Variants in AFG1L observed in about 807,000 individuals in gnomAD.
AFG1L encodes the protein AFG1 like ATPase.
In AFG1L, 53 loss-of-function variants were observed where a neutral mutation model predicts 62.2. The observed-to-expected ratio is 0.85, with a 90% confidence interval of 0.68 to 1.07. The LOEUF is 1.07. Among genes scored for constraint, AFG1L ranks in the 50% least tolerant of loss-of-function variants. The pLI is 0.00. For missense variants in AFG1L, 555 were observed against 590.5 expected (o/e 0.94, Z 0.62); for synonymous variants, 228 against 210.3 (o/e 1.08, Z -0.73).
intron 7 of AFG1L, among the ~76,000 whole-genome samples, chr6:108,412,694 C>A (rs962208699): frequency 6.6e-6 from 1 of 152,098 alleles, no homozygotes; most frequent in African/African-American, 2.4e-5. Flanking sequence ...GAAATAAAAT[C>A]CTTTACAGAC....
chr6:108,361,868 T>A (rs1040917657), intron 5 of AFG1L, among the ~76,000 whole-genome samples: 1 of 152,194 alleles, frequency 6.6e-6, no homozygotes, highest in Non-Finnish European at 1.5e-5. Flanking sequence ...ATATCATATA[T>A]CACCTTTTAA....
intron 10 of AFG1L, among the ~76,000 whole-genome samples, chr6:108,480,795 A>G (rs1021442017): frequency 6.6e-6 from 1 of 151,990 alleles, no homozygotes; most frequent in East Asian, 1.9e-4. Flanking sequence ...CTGTCTCAAT[A>G]AATAAATAAA....
intron 1 of AFG1L, among the ~76,000 whole-genome samples, chr6:108,321,802 CAGTT>C (rs1262474034): frequency 6.6e-6 from 1 of 152,166 alleles, no homozygotes; most frequent in Non-Finnish European, 1.5e-5. Flanking sequence ...GCAACTATAT[CAGTT>C]AGGGTACAAC....
chr6:108,466,625 C>T (rs755701886), intron 8 of AFG1L, among the ~76,000 whole-genome samples: 10 of 151,730 alleles, frequency 6.6e-5, no homozygotes, highest in African/African-American at 2.2e-4. Flanking sequence ...ATAGTGAAGG[C>T]GGCCGTCTGC....
intron 5 of AFG1L, among the ~76,000 whole-genome samples, chr6:108,365,281 T>C (rs757121987): frequency 6.6e-6 from 1 of 152,168 alleles, no homozygotes; most frequent in Non-Finnish European, 1.5e-5. Context: ...TTTCCCTTCT[T>C]AATTGTTGTC....
At chr6:108,391,223 T>C (rs1407658057) in intron 6 of AFG1L, among the ~76,000 whole-genome samples, 1 of 152,172 alleles carries the variant, frequency 6.6e-6, no homozygotes, top group East Asian at 1.9e-4. Flanking sequence ...ACATTAGTGG[T>C]TGTACTAGTT....
At chr6:108,365,481 TG>T (rs1237933737) in intron 5 of AFG1L, among the ~76,000 whole-genome samples, 14 of 130,798 alleles carry the variant, frequency 1.1e-4, no homozygotes, top group South Asian at 2.6e-4. Context: ...TCTTGAAAGG[TG>T]GTTTTTTTTG....
intron 12 of AFG1L, chr6:108,522,048 G>T: frequency 3.6e-6 from 1 of 277,990 alleles, no homozygotes. Context: ...ACTTATTTCT[G>T]GTGTACACTT....
intron 10 of AFG1L, among the ~76,000 whole-genome samples, chr6:108,495,597 G>T (rs1773944185): frequency 6.6e-6 from 1 of 152,224 alleles, no homozygotes; most frequent in South Asian, 2.1e-4. Flanking sequence ...CGATACCAAA[G>T]CAGACAACTG....
Position 108,323,820 on chromosome 6 carries a change from T to A in AFG1L, c.140-5T>A. 1 of 1,605,916 alleles carries A rather than the reference T, an allele frequency of 6.2e-7. No individual in the cohort carries two copies. On this transcript the variant is annotated splice_region_variant and splice_polypyrimidine_tract_variant and intron_variant, in intron 1 of 12. Coordinates refer to ENST00000368977, the MANE Select transcript of AFG1L (RefSeq NM_145315.5). ...AAGTCTAAAATTTTATGTTTTTGTTTATAGCCTATACGGTTCAGACATCCG... is the reference window on the plus strand; with the variant it reads ...AAGTCTAAAATTTTATGTTTTTGTTAATAGCCTATACGGTTCAGACATCCG...
chr6:108,296,441 T>C (rs1413325103), intron 1 of AFG1L, among the ~76,000 whole-genome samples: 1 of 152,196 alleles, frequency 6.6e-6, no homozygotes, highest in Non-Finnish European at 1.5e-5. Context: ...CTTTTTTCTA[T>C]CCCTATCCCT....
intron 7 of AFG1L, among the ~76,000 whole-genome samples, chr6:108,442,034 A>C (rs1393995470): frequency 6.6e-6 from 1 of 152,168 alleles, no homozygotes; most frequent in Non-Finnish European, 1.5e-5. Flanking sequence ...AGAACCTGGC[A>C]AATATATTTA....
At chr6:108,379,440 T>C (rs2114547316) in intron 6 of AFG1L, among the ~76,000 whole-genome samples, 1 of 152,362 alleles carries the variant, frequency 6.6e-6, no homozygotes, top group Non-Finnish European at 1.5e-5. Context: ...CCTTATTTAC[T>C]GGCAGAAGCT....
intron 7 of AFG1L, among the ~76,000 whole-genome samples, chr6:108,425,954 C>A (rs1311313977): frequency 6.6e-6 from 1 of 152,078 alleles, no homozygotes; most frequent in Non-Finnish European, 1.5e-5. Flanking sequence ...TGTCTCTTTT[C>A]ATCTTCAGAT....
chr6:108,480,174 G>A (rs1470059989), intron 10 of AFG1L, among the ~76,000 whole-genome samples: 3 of 151,616 alleles, frequency 2.0e-5, no homozygotes, highest in Non-Finnish European at 4.4e-5. Context: ...CTCTTTCTTC[G>A]TAAATTTGTA....
chr6:108,314,826 C>T (rs894728609), intron 1 of AFG1L, among the ~76,000 whole-genome samples: 5 of 151,974 alleles, frequency 3.3e-5, no homozygotes, highest in African/African-American at 1.2e-4. Flanking sequence ...CTTTTAAGGC[C>T]CTACGTCATT....
At chr6:108,461,905 T>G (rs1476907797) in intron 8 of AFG1L, among the ~76,000 whole-genome samples, 1 of 152,060 alleles carries the variant, frequency 6.6e-6, no homozygotes, top group East Asian at 1.9e-4. Context: ...CCATCCTGGC[T>G]AACACGTTGA....
chr6:108,415,155 T>G (rs918668546), intron 7 of AFG1L, among the ~76,000 whole-genome samples: 1 of 152,114 alleles, frequency 6.6e-6, no homozygotes, highest in African/African-American at 2.4e-5. Context: ...AAATTATGAG[T>G]GAACTCCCAT....
intron 2 of AFG1L, among the ~76,000 whole-genome samples, chr6:108,339,599 A>G (rs2114384223): frequency 6.6e-6 from 1 of 151,006 alleles, no homozygotes; most frequent in East Asian, 2.0e-4. Context: ...AGCTGGGATT[A>G]CAGGTGTGTG....
Sources: allele counts gnomAD v4.1 joint callset (sites outside exome capture counted in the v4.1 genomes callset), GRCh38; gene constraint gnomAD v4.1.1; transcripts MANE v1.5; gene names NCBI Gene and HGNC (gene_info 2026-07-23, HGNC 2026-07-21).